Variants in SCN2A observed in about 807,000 individuals in gnomAD.
SCN2A encodes the protein sodium channel protein type 2 subunit alpha.
Under a neutral mutation model 188.7 loss-of-function variants are expected in SCN2A, and 20 were observed. That is an observed-to-expected ratio of 0.11 (90% CI 0.07 to 0.15). The LOEUF is 0.15. SCN2A is among the 10% of genes least tolerant of loss of function. The probability of loss-of-function intolerance (pLI) is 1.00; values close to 1 mark genes in which losing one functional copy is unlikely to be tolerated. For missense variants in SCN2A, 1,278 were observed against 2,445.0 expected (o/e 0.52, Z 10.07); for synonymous variants, 804 against 833.1 (o/e 0.97, Z 0.60).
chr2:165,331,416 T>G lies in SCN2A; in HGVS notation c.2236T>G (p.Leu746Val), dbSNP rs772195737. The change falls in exon 14 of 27, where the codon TTA becomes GTA. Residue 746 changes from leucine to valine, a missense_variant. By Grantham distance (32) the Leu-to-Val change is conservative (BLOSUM62 1). Coordinates refer to ENST00000375437, the MANE Select transcript of SCN2A (RefSeq NM_001040142.2). ...GATTTGGGACTGTTGTAAACCATGG[T>G]TAAAGGTGAAACACCTTGTCAACCT... is the stretch of plus-strand genomic sequence containing the variant. Reference protein sequence around the residue: ...CLIWDCCKPWLKVKHLVNLVV... With the variant: ...CLIWDCCKPWVKVKHLVNLVV... 51 of 1,613,768 alleles carry G rather than the reference T, an allele frequency of 3.2e-5. No individual in the cohort carries two copies. Among genetic ancestry groups the G allele is most frequent in the Non-Finnish European group, 4.2e-5 (49 of 1,179,800 alleles).
At chr2:165,334,719 T>C (rs1164786480) in intron 14 of SCN2A, among the ~76,000 whole-genome samples, 1 of 151,774 alleles carries the variant, frequency 6.6e-6, no homozygotes, top group African/African-American at 2.4e-5. Context: ...GGCAAGGATA[T>C]TTGCTCTTGC....
intron 13 of SCN2A, 90 bp downstream of exon 13, chr2:165,327,074 T>A: frequency 6.9e-7 from 1 of 1,441,786 alleles, no homozygotes; most frequent in Non-Finnish European, 9.7e-7. Flanking sequence ...CTTCCTGACT[T>A]GATATTGTAT....
intron 17 of SCN2A, among the ~76,000 whole-genome samples, chr2:165,357,422 C>A (rs1000142152): frequency 6.6e-6 from 1 of 151,994 alleles, no homozygotes; most frequent in South Asian, 2.1e-4. Context: ...GGCTTTTTTA[C>A]TGGAATGTCT....
intron 14 of SCN2A, among the ~76,000 whole-genome samples, chr2:165,340,275 G>C (rs552659568): frequency 6.6e-6 from 1 of 151,966 alleles, no homozygotes; most frequent in African/African-American, 2.4e-5. Flanking sequence ...TTATTTAAAT[G>C]TCCATGAAAT....
chr2:165,386,254 A>G (rs1701863979), intron 25 of SCN2A, among the ~76,000 whole-genome samples: 1 of 152,024 alleles, frequency 6.6e-6, no homozygotes, highest in Non-Finnish European at 1.5e-5. Flanking sequence ...TCATTAGGTC[A>G]GGAGTTTGAG....
In SCN2A at chr2:165,308,783, C is replaced by A. The variant is rs748895911; in HGVS notation, c.594C>A (p.Val198=). ...CATGGAATTGGTTGGATTTCACAGT[C>A]ATTACTTTTGCGTAAGTATCTTAAT... The part of the protein sequence containing the change: ...RDPWNWLDFT[V]ITFAYVTEFV... The change falls in exon 5 of 27, where the codon GTC becomes GTA. Residue 198 remains valine, a synonymous_variant. Transcript: ENST00000375437. The A allele has an allele frequency of 6.2e-7, 1 of 1,612,676 alleles. No individual in the cohort carries two copies. Among genetic ancestry groups the A allele is most frequent in the Non-Finnish European group, 8.5e-7 (1 of 1,179,004 alleles).
Position 165,323,462 on chromosome 2 carries a change from C to T in SCN2A, c.1978C>T (p.Pro660Ser), listed in dbSNP as rs1346341071. 3.7e-6 allele frequency: 6 copies of T among 1,613,690 alleles called. No individual in the cohort carries two copies. The highest frequency in any genetic ancestry group is 5.1e-6 in the Non-Finnish European group (6 of 1,179,866). Residue 660 changes from proline to serine, a missense_variant, in exon 12 of 27, where the codon CCT (proline) becomes TCT (serine). Transcript: ENST00000375437. ...TGGTGTGGTCTCCCTGGTCGGGGGC[C>T]CTTCTACCCTCACATCTGCTGGGCA... Reference protein sequence around the residue: ...CNGVVSLVGGPSTLTSAGQLL... With the variant: ...CNGVVSLVGGSSTLTSAGQLL...
chr2:165,385,806 A>C (rs1293570321), intron 25 of SCN2A, among the ~76,000 whole-genome samples: 4 of 152,150 alleles, frequency 2.6e-5, no homozygotes, highest in Non-Finnish European at 5.9e-5. Flanking sequence ...TCAGACGAAA[A>C]ATTTAAAAAG....
intron 1 of SCN2A, among the ~76,000 whole-genome samples, chr2:165,251,254 C>G (rs1002744176): frequency 1.3e-5 from 2 of 151,910 alleles, no homozygotes; most frequent in East Asian, 3.9e-4. Flanking sequence ...TAGACAAGGA[C>G]AAGTATTTGT....
chr2:165,341,006 A>G (rs1355200531), intron 14 of SCN2A, among the ~76,000 whole-genome samples: 1 of 152,176 alleles, frequency 6.6e-6, no homozygotes, highest in African/African-American at 2.4e-5. Context: ...ATCTGGCCAT[A>G]AGGAAAGGAT....
rs199744298 is a variant in SCN2A at position 165,314,127 on chromosome 2, C to T, written c.1383+19C>T. The T allele has an allele frequency of 5.0e-6, 8 of 1,607,812 alleles. No homozygotes were observed. Among genetic ancestry groups the T allele is most frequent in the Admixed American group, 3.4e-5 (2 of 59,086 alleles). On this transcript the variant is annotated intron_variant, in intron 10 of 26. Coordinates refer to ENST00000375437, the MANE Select transcript of SCN2A (RefSeq NM_001040142.2). ...AGCTCAGGTATAGTGAACAAGCATA[C>T]GGTCCTTTGTTTTTCTTTATCTAAA...
intron 16 of SCN2A, among the ~76,000 whole-genome samples, chr2:165,353,361 T>C (rs915372026): frequency 2.6e-5 from 4 of 152,164 alleles, no homozygotes; most frequent in Admixed American, 1.3e-4. Context: ...CAAAAAATGG[T>C]ACAAAGGCAC....
Position 165,354,380 on chromosome 2 carries a change from A to G in SCN2A, c.3108A>G (p.Leu1036=), listed in dbSNP as rs759386097. The change falls in exon 17 of 27, where the codon TTA becomes TTG. Residue 1036 remains leucine, a synonymous_variant. Transcript: ENST00000375437. ...QKAFVRKQKA[L]DEIKPLEDLN... is the part of the protein sequence containing the mutation. ...CCTTTGTTAGGAAGCAGAAAGCTTTAGATGAAATTAAACCGCTTGAAGATC... is the reference window on the plus strand; with the variant it reads ...CCTTTGTTAGGAAGCAGAAAGCTTTGGATGAAATTAAACCGCTTGAAGATC... 1.9e-6 allele frequency: 3 copies of G among 1,613,972 alleles called. No homozygotes were observed. Among genetic ancestry groups the G allele is most frequent in the African/African-American group, 1.3e-5 (1 of 75,044 alleles).
At chr2:165,340,768 T>A (rs1364088581) in intron 14 of SCN2A, among the ~76,000 whole-genome samples, 4 of 152,120 alleles carry the variant, frequency 2.6e-5, no homozygotes, top group Non-Finnish European at 5.9e-5. Flanking sequence ...GAGGTGTGGA[T>A]CACAGAAGCT....
chr2:165,253,659 C>T (rs1185685733), intron 1 of SCN2A, among the ~76,000 whole-genome samples: 1 of 151,942 alleles, frequency 6.6e-6, no homozygotes, highest in Non-Finnish European at 1.5e-5. Flanking sequence ...TAAATCATCC[C>T]TTGTAGAAAC....
intron 1 of SCN2A, chr2:165,268,361 G>A (rs1366881069): frequency 3.3e-5 from 5 of 151,962 alleles, no homozygotes; most frequent in Non-Finnish European, 7.4e-5. Context: ...TTTCATACCC[G>A]GGATGCAGGG....
intron 1 of SCN2A, among the ~76,000 whole-genome samples, chr2:165,257,982 TTG>T: frequency 1.1e-5 from 1 of 89,548 alleles, no homozygotes; most frequent in African/African-American, 4.9e-5. Context: ...AATGGTGGTT[TTG>T]TTGTTGTTGT....
intron 16 of SCN2A, among the ~76,000 whole-genome samples, chr2:165,352,427 G>A (rs1254109642): frequency 6.6e-6 from 1 of 152,010 alleles, no homozygotes; most frequent in East Asian, 1.9e-4. Context: ...ATTAGACAAA[G>A]GTGCTGTAAG....
At chr2:165,276,467 A>C (rs1363223682) in intron 1 of SCN2A, among the ~76,000 whole-genome samples, 1 of 152,216 alleles carries the variant, frequency 6.6e-6, no homozygotes, top group Non-Finnish European at 1.5e-5. Flanking sequence ...ATATGAGCCC[A>C]ACAAAGACAA....
Sources: allele counts gnomAD v4.1 joint callset (sites outside exome capture counted in the v4.1 genomes callset), GRCh38; gene constraint gnomAD v4.1.1; transcripts MANE v1.5; gene names NCBI Gene and HGNC (gene_info 2026-07-23, HGNC 2026-07-21).